Variants in ARHGAP26 observed in about 807,000 individuals in gnomAD.
ARHGAP26 encodes rho GTPase-activating protein 26.
ARHGAP26 carries 38 observed loss-of-function variants against 104.8 expected under a neutral mutation model. The observed-to-expected ratio is 0.36, with a 90% CI of 0.28 to 0.48. The LOEUF (loss-of-function observed/expected upper bound fraction) is 0.48. Ranked by LOEUF, ARHGAP26 falls within the 20% of genes least tolerant of loss-of-function variation. The probability of loss-of-function intolerance (pLI) is 0.99; values close to 1 mark genes in which losing one functional copy is unlikely to be tolerated. For synonymous variants in ARHGAP26, 341 were observed against 340.0 expected (o/e 1.00, Z -0.03); for missense variants, 704 against 947.9 (o/e 0.74, Z 3.38).
chr5:142,959,826 GA>G (rs942559905), intron 11 of ARHGAP26, among the ~76,000 whole-genome samples: 1 of 152,234 alleles, frequency 6.6e-6, no homozygotes, highest in African/African-American at 2.4e-5. Flanking sequence ...CCACAGGAGG[GA>G]AACCTCAGGG....
intron 20 of ARHGAP26, among the ~76,000 whole-genome samples, chr5:143,173,335 T>C (rs1372400288): frequency 6.6e-6 from 1 of 152,058 alleles, no homozygotes; most frequent in Non-Finnish European, 1.5e-5. Context: ...TGCACCCGGC[T>C]CATGCTGCAT....
At chr5:143,101,482 G>T (rs1164120075) in intron 17 of ARHGAP26, among the ~76,000 whole-genome samples, 5 of 152,042 alleles carry the variant, frequency 3.3e-5, no homozygotes, top group African/African-American at 1.2e-4. Flanking sequence ...AAAGGTGATT[G>T]TTTTCTTAGC....
At chr5:142,801,453 G>A in intron 1 of ARHGAP26, among the ~76,000 whole-genome samples, 1 of 151,894 alleles carries the variant, frequency 6.6e-6, no homozygotes, top group East Asian at 1.9e-4. Flanking sequence ...GATGAGGAAA[G>A]ACATGAGATC....
At chr5:142,811,586 A>G (rs1235626884) in intron 1 of ARHGAP26, among the ~76,000 whole-genome samples, 1 of 152,176 alleles carries the variant, frequency 6.6e-6, no homozygotes. Context: ...TTGCTAGTGA[A>G]CAATCTGAGG....
intron 19 of ARHGAP26, among the ~76,000 whole-genome samples, chr5:143,142,970 T>G (rs1798739671): frequency 6.6e-6 from 1 of 152,144 alleles, no homozygotes; most frequent in Non-Finnish European, 1.5e-5. Flanking sequence ...TTTGTAAAAC[T>G]TCGCTCTGTC....
At chr5:142,908,720 T>G (rs952657582) in intron 9 of ARHGAP26, 3 of 166,452 alleles carry the variant, frequency 1.8e-5, no homozygotes, top group African/African-American at 7.2e-5. Flanking sequence ...CATCAAAGTC[T>G]CATTGTAGGA....
At chr5:142,857,119 T>G (rs1272047533) in intron 1 of ARHGAP26, among the ~76,000 whole-genome samples, 1 of 152,224 alleles carries the variant, frequency 6.6e-6, no homozygotes, top group Non-Finnish European at 1.5e-5. Flanking sequence ...TGGGTGTGTG[T>G]GTGTGTCCTC....
rs141047042 is a variant in ARHGAP26 at position 142,962,919 on chromosome 5, A to C, written c.1107+30794A>C. Among the ~76,000 whole-genome samples the C allele has an allele frequency of 6.9e-3, 1,050 of 151,966 alleles. 13 individuals are homozygous for C. The highest frequency in any genetic ancestry group is 0.023 in the African/African-American group (946 of 41,428). ...CACCCAGGTACTAAGCCTAGTACCC[A>C]ATAGTTATTTTTTTCCAATCTTCTC... On this transcript the variant is annotated intron_variant, in intron 11 of 22. Transcript: ENST00000645722.
intron 1 of ARHGAP26, among the ~76,000 whole-genome samples, chr5:142,828,939 G>C (rs906073669): frequency 3.9e-5 from 6 of 152,208 alleles, no homozygotes; most frequent in Admixed American, 3.3e-4. Context: ...CAGCTAGAAG[G>C]CCTGCGTATC....
chr5:142,790,931 C>T (rs1240701229), intron 1 of ARHGAP26, among the ~76,000 whole-genome samples: 1 of 152,162 alleles, frequency 6.6e-6, no homozygotes, highest in African/African-American at 2.4e-5. Context: ...ACCCTCTAAA[C>T]TCCCCGCTGC....
At chr5:142,943,108 C>T (rs979296376) in intron 11 of ARHGAP26, among the ~76,000 whole-genome samples, 5 of 152,166 alleles carry the variant, frequency 3.3e-5, no homozygotes, top group Non-Finnish European at 7.4e-5. Flanking sequence ...GTGATAGGAA[C>T]ACGTGTGTTG....
At chr5:142,916,927 G>T (rs1762555252) in intron 10 of ARHGAP26, among the ~76,000 whole-genome samples, 1 of 152,162 alleles carries the variant, frequency 6.6e-6, no homozygotes, top group Non-Finnish European at 1.5e-5. Context: ...ATACTGCTGA[G>T]GAATCTGCAG....
At chr5:142,995,487 G>T (rs1348843357) in intron 11 of ARHGAP26, among the ~76,000 whole-genome samples, 1 of 152,204 alleles carries the variant, frequency 6.6e-6, no homozygotes, top group African/African-American at 2.4e-5. Context: ...AGTTAGAATG[G>T]CAATCATTAA....
chr5:143,131,456 T>G (rs1797345879), intron 18 of ARHGAP26, among the ~76,000 whole-genome samples: 1 of 152,120 alleles, frequency 6.6e-6, no homozygotes, highest in Admixed American at 6.5e-5. Flanking sequence ...GGGAAAATAA[T>G]GAGAACCAGG....
At position 143,033,496 on chromosome 5, in the gene ARHGAP26, A is replaced by G. The variant is rs373978367; in HGVS notation, c.1145-3700A>G. ...TGCCACACACACAAAAAAAGGTTCAATGACTGATTTGCCTCTAGAGGGTTA... is the reference window on the plus strand; with the variant it reads ...TGCCACACACACAAAAAAAGGTTCAGTGACTGATTTGCCTCTAGAGGGTTA... On this transcript the variant is annotated intron_variant, in intron 12 of 22. Transcript: ENST00000645722. Among the ~76,000 whole-genome samples the G allele has an allele frequency of 9.8e-5, 15 of 152,330 alleles. 1 individual carries two copies. The highest frequency in any genetic ancestry group is 3.4e-4 in the African/African-American group (14 of 41,582).
intron 11 of ARHGAP26, among the ~76,000 whole-genome samples, chr5:142,957,082 A>G (rs1455123833): frequency 2.6e-5 from 4 of 152,348 alleles, no homozygotes; most frequent in South Asian, 4.1e-4. Context: ...GAGCTGGCAT[A>G]TTAGAACACT....
intron 19 of ARHGAP26, among the ~76,000 whole-genome samples, chr5:143,144,935 A>C (rs1479570231): frequency 6.6e-6 from 1 of 151,872 alleles, no homozygotes; most frequent in Admixed American, 6.6e-5. Flanking sequence ...AGATGATGAG[A>C]CCTTTCTTCT....
Position 142,770,415 on chromosome 5 carries a change from G to C in ARHGAP26, c.-347G>C. On this transcript the variant is annotated 5_prime_UTR_variant, in exon 1 of 23. Transcript: ENST00000645722. ...GCGGCCGAGGCTGCTGTGAGAGGGC[G>C]CTCGAGGCTGCCGAGAGCTAGCTAG... 5.2e-6 allele frequency: 1 copy of C among 192,598 alleles called. No homozygotes were observed. Among genetic ancestry groups the C allele is most frequent in the South Asian group, 1.9e-4 (1 of 5,202 alleles). 11.9% of individuals were successfully genotyped at this position (192,598 alleles called of 1,614,324 possible).
chr5:142,949,213 GAGAGAGAGGAGAGAGAGA>G (rs1767846578), intron 11 of ARHGAP26, among the ~76,000 whole-genome samples: 1 of 64,156 alleles, frequency 1.6e-5, no homozygotes, highest in East Asian at 2.2e-3. Flanking sequence ...GAGAGAGAGA[GAGAGAGAGGAGAGAGAGA>G]GGAGAGAGAG....
Sources: gnomAD v4.1 joint callset for allele counts (sites outside exome capture counted in the v4.1 genomes callset) on GRCh38, gnomAD v4.1.1 for gene constraint, MANE v1.5 for transcripts, NCBI Gene and HGNC (gene_info 2026-07-23, HGNC 2026-07-21) for gene names.